Variants in SUCLG2 observed in about 807,000 individuals in gnomAD.
SUCLG2 encodes succinate--CoA ligase [GDP-forming] subunit beta, mitochondrial.
SUCLG2 carries 42 observed loss-of-function variants against 47.9 expected under a neutral mutation model. The ratio of observed to expected loss-of-function variants is 0.88; its 90% CI spans 0.69 to 1.14. The LOEUF is 1.14. SUCLG2 is among the 50% of genes most tolerant of loss of function. The probability of loss-of-function intolerance (pLI) is 0.00; values close to 1 mark genes in which losing one functional copy is unlikely to be tolerated. For missense variants in SUCLG2, 571 were observed against 525.9 expected (o/e 1.09, Z -0.84); for synonymous variants, 195 against 197.3 (o/e 0.99, Z 0.10).
chr3:67,574,524 T>C (rs1411764781), intron 2 of SUCLG2, among the ~76,000 whole-genome samples: 1 of 152,208 alleles, frequency 6.6e-6, no homozygotes, highest in Non-Finnish European at 1.5e-5. Flanking sequence ...AATTTTAACT[T>C]AGACTCTCAC....
At chr3:67,514,903 T>C (rs28555508) in intron 6 of SUCLG2, among the ~76,000 whole-genome samples, 3,831 of 152,326 alleles carry the variant, frequency 0.025, 158 homozygotes, top group African/African-American at 0.085. Flanking sequence ...CCAGGATCCC[T>C]GACCATTGAC....
chr3:67,541,807 C>G (rs1367357581), intron 2 of SUCLG2, among the ~76,000 whole-genome samples: 1 of 151,888 alleles, frequency 6.6e-6, no homozygotes, highest in Non-Finnish European at 1.5e-5. Flanking sequence ...ATCAGACTAA[C>G]AGTGGATCTC....
chr3:67,494,157 C>A (rs560071492), intron 9 of SUCLG2, among the ~76,000 whole-genome samples: 24 of 152,168 alleles, frequency 1.6e-4, no homozygotes, highest in Admixed American at 3.3e-4. Flanking sequence ...CAGGCTATTG[C>A]CAGTATATTT....
At chr3:67,531,836 T>G (rs1706412233) in intron 2 of SUCLG2, among the ~76,000 whole-genome samples, 1 of 152,278 alleles carries the variant, frequency 6.6e-6, no homozygotes, top group Middle Eastern at 3.4e-3. Flanking sequence ...GTGCTGAAAA[T>G]TAAGATGACA....
chr3:67,535,532 C>T (rs1184832308), intron 2 of SUCLG2, among the ~76,000 whole-genome samples: 5 of 152,028 alleles, frequency 3.3e-5, no homozygotes, highest in Admixed American at 2.6e-4. Flanking sequence ...GTGCTTGGGT[C>T]ACGGGAGACG....
chr3:67,522,143 C>T (rs765392292), intron 4 of SUCLG2, among the ~76,000 whole-genome samples: 2 of 151,904 alleles, frequency 1.3e-5, no homozygotes, highest in Non-Finnish European at 2.9e-5. Context: ...CAGCCTTGAC[C>T]TCCCAGGTTC....
intron 2 of SUCLG2, among the ~76,000 whole-genome samples, chr3:67,555,974 C>A (rs1363252369): frequency 1.3e-5 from 2 of 152,216 alleles, no homozygotes; most frequent in Non-Finnish European, 2.9e-5. Context: ...CATATATAAA[C>A]ACTTGACTAT....
intron 2 of SUCLG2, among the ~76,000 whole-genome samples, chr3:67,554,487 C>T (rs72927355): frequency 7.2e-4 from 110 of 152,258 alleles, no homozygotes; most frequent in African/African-American, 2.2e-3. Flanking sequence ...CTCACTGTAA[C>T]CTCAATAAAT....
At chr3:67,429,112 T>C (rs963606420) in intron 9 of SUCLG2, among the ~76,000 whole-genome samples, 2 of 152,076 alleles carry the variant, frequency 1.3e-5, no homozygotes, top group African/African-American at 4.8e-5. Flanking sequence ...GCCACAAAGA[T>C]ACTCCTCGAG....
At chr3:67,612,321 T>G (rs1700541856) in intron 1 of SUCLG2, among the ~76,000 whole-genome samples, 1 of 150,658 alleles carries the variant, frequency 6.6e-6, no homozygotes, top group East Asian at 1.9e-4. Context: ...ATTGTGCCAC[T>G]GCACTCCAGC....
intron 8 of SUCLG2, among the ~76,000 whole-genome samples, chr3:67,497,212 T>C (rs1705370835): frequency 6.6e-6 from 1 of 152,190 alleles, no homozygotes; most frequent in Non-Finnish European, 1.5e-5. Context: ...TCTATTGTAT[T>C]GAACAGCCAC....
chr3:67,436,637 A>G (rs958692601), intron 9 of SUCLG2, among the ~76,000 whole-genome samples: 1 of 152,168 alleles, frequency 6.6e-6, no homozygotes, highest in Non-Finnish European at 1.5e-5. Context: ...CATCATCAAT[A>G]TTATTACTAG....
At chr3:67,650,037 T>G (rs1413039709) in intron 1 of SUCLG2, among the ~76,000 whole-genome samples, 2 of 152,224 alleles carry the variant, frequency 1.3e-5, no homozygotes, top group Non-Finnish European at 2.9e-5. Context: ...GACAAAGCTA[T>G]CACTTAACGG....
chr3:67,509,739 T>C (rs1257727073), intron 6 of SUCLG2, among the ~76,000 whole-genome samples: 1 of 152,084 alleles, frequency 6.6e-6, no homozygotes, highest in Non-Finnish European at 1.5e-5. Flanking sequence ...AAGAATTAGG[T>C]ATCAGTCTCA....
chr3:67,555,813 T>G (rs1014206632), intron 2 of SUCLG2, among the ~76,000 whole-genome samples: 1 of 152,144 alleles, frequency 6.6e-6, no homozygotes, highest in South Asian at 2.1e-4. Flanking sequence ...GGGTGGAAGG[T>G]AGACAAGGAC....
chr3:67,574,753 A>C (rs781520688), intron 2 of SUCLG2, among the ~76,000 whole-genome samples: 1 of 152,218 alleles, frequency 6.6e-6, no homozygotes, highest in Non-Finnish European at 1.5e-5. Flanking sequence ...AAATGGCACT[A>C]CTAGAAACAT....
At chr3:67,588,738 C>A (rs1708085221) in intron 2 of SUCLG2, among the ~76,000 whole-genome samples, 1 of 152,132 alleles carries the variant, frequency 6.6e-6, no homozygotes, top group Non-Finnish European at 1.5e-5. Context: ...TTGCCAGGAG[C>A]ACCAATGTTT....
At chr3:67,644,848 C>G (rs944972319) in intron 1 of SUCLG2, among the ~76,000 whole-genome samples, 1 of 152,086 alleles carries the variant, frequency 6.6e-6, no homozygotes, top group African/African-American at 2.4e-5. Flanking sequence ...TCCCTCAACA[C>G]CCTAAAAGTC....
chr3:67,528,336 A>C (rs1359382669), intron 3 of SUCLG2, 114 bp from the exon 4 acceptor site: 61 of 904,908 alleles, frequency 6.7e-5, no homozygotes, highest in Non-Finnish European at 9.5e-5. Context: ...TCACCCTCAC[A>C]AAATCCATGA....
Sources: gnomAD v4.1 joint callset for allele counts (sites outside exome capture counted in the v4.1 genomes callset) on GRCh38, gnomAD v4.1.1 for gene constraint, MANE v1.5 for transcripts, NCBI Gene and HGNC (gene_info 2026-07-23, HGNC 2026-07-21) for gene names.